The following NFKBIB variants were observed in gnomAD, a reference collection of about 807,000 sequenced individuals.
NFKBIB encodes NFKB inhibitor beta.
NFKBIB carries 16 observed loss-of-function variants against 32.1 expected under a neutral mutation model. The observed-to-expected ratio is 0.50, with a 90% confidence interval of 0.34 to 0.76. The LOEUF is 0.76. NFKBIB is among the 30% of genes least tolerant of loss of function. The pLI, the probability that NFKBIB is intolerant of heterozygous loss-of-function variation, is 0.01. For missense variants in NFKBIB, 437 were observed against 514.9 expected (o/e 0.85, Z 1.46); for synonymous variants, 222 against 219.5 (o/e 1.01, Z -0.10).
rs1182842328 is a variant in NFKBIB at position 38,905,141 on chromosome 19, T to A, written c.285+21T>A. ...GCCAGGTGAGCCACGAGGGATGGTG[T>A]AGGGCTTGGGGTCCAGGGTTCCCAG... On this transcript the variant is annotated intron_variant, in intron 2 of 5. Transcript: ENST00000313582. The surrounding 1 kb of genome is among the most constrained non-coding windows in gnomAD (Gnocchi z 5.5). 4 of 1,613,692 alleles carry A rather than the reference T, an allele frequency of 2.5e-6. No homozygotes were observed. The highest frequency in any genetic ancestry group is 3.4e-6 in the Non-Finnish European group (4 of 1,179,804).
In NFKBIB at chr19:38,905,144, G is replaced by C; in HGVS notation, c.285+24G>C. On this transcript the variant is annotated intron_variant, in intron 2 of 5. Coordinates refer to ENST00000313582, the MANE Select transcript of NFKBIB (RefSeq NM_002503.5). This position sits in a 1 kb window ranked among gnomAD's most constrained non-coding sequence, Gnocchi z 5.5. The stretch of plus-strand genomic sequence containing the variant: ...AGGTGAGCCACGAGGGATGGTGTAG[G>C]GCTTGGGGTCCAGGGTTCCCAGTGT... 6.2e-7 allele frequency: 1 copy of C among 1,612,696 alleles called. No individual in the cohort carries two copies. The highest frequency in any genetic ancestry group is 1.3e-5 in the African/African-American group (1 of 74,762).
Position 38,905,232 on chromosome 19 carries a change from G to T in NFKBIB, c.316G>T (p.Glu106Ter). 1 of 1,590,102 alleles carries T rather than the reference G, an allele frequency of 6.3e-7. No homozygotes were observed. Among genetic ancestry groups the T allele is most frequent in the Non-Finnish European group, 8.6e-7 (1 of 1,168,160 alleles). Residue 106 changes from glutamate (E) to a stop codon, truncating the protein, a stop_gained, in exon 3 of 6, where the codon GAG becomes TAG. Transcript: ENST00000313582. LOFTEE classifies it high-confidence loss of function. The surrounding 1 kb of genome is among the most constrained non-coding windows in gnomAD (Gnocchi z 5.5). ...CCTGCACCTGGCAGCCATCCTGGGG[G>T]AGACATCCACGGTGGAGAAGCTGTA... The part of the protein sequence containing the change: ...TALHLAAILG[E>*]TSTVEKLYAA...
At chr19:38,908,453 T>C (rs1974218351) in intron 5 of NFKBIB, 2 of 948,052 alleles carry the variant, frequency 2.1e-6, no homozygotes, top group Non-Finnish European at 2.7e-6. Context: ...GTAGGAGAAT[T>C]GCTTGAACCT....
chr19:38,904,155 G>A (rs539869771), intron 1 of NFKBIB, among the ~76,000 whole-genome samples: 5 of 152,054 alleles, frequency 3.3e-5, no homozygotes, highest in African/African-American at 1.2e-4. Flanking sequence ...TAAATTACTC[G>A]GAAGTAGTTT....
rs1187781614 is a variant in NFKBIB, at chr19:38,905,665, C to T, written c.619+130C>T. 24 of 692,450 alleles carry T rather than the reference C, an allele frequency of 3.5e-5. No individual in the cohort carries two copies. The highest frequency in any genetic ancestry group is 4.5e-5 in the Non-Finnish European group (19 of 420,094). 42.9% of individuals were successfully genotyped at this position (692,450 alleles called of 1,614,324 possible). A position where few individuals can be genotyped will look rare whatever the true frequency, so the allele number is the denominator to read the frequency against. ...GCCTAGGCTTCAGGAGCCCACACAT[C>T]GGGACCAGGGACCTCCACTCAGGGC... On this transcript the variant is annotated intron_variant, in intron 3 of 5. Coordinates refer to ENST00000313582, the MANE Select transcript of NFKBIB (RefSeq NM_002503.5). This position sits in a 1 kb window ranked among gnomAD's most constrained non-coding sequence, Gnocchi z 5.5.
In NFKBIB at chr19:38,900,179, C is replaced by T. The variant is rs140517797; in HGVS notation, c.147C>T (p.Leu49=). The part of the protein sequence containing the change: ...ELGPGLSWAP[L]VFGYVTEDGD... ...GCCCGGGGCTGTCGTGGGCTCCCCT[C>T]GTCTTCGGCTACGTCACTGAGGATG... Residue 49 remains leucine (L), a synonymous_variant, in exon 1 of 6, where the codon CTC becomes CTT. Coordinates refer to ENST00000313582, the MANE Select transcript of NFKBIB (RefSeq NM_002503.5). 2.6e-3 allele frequency: 4,142 copies of T among 1,604,022 alleles called. 20 individuals are homozygous for T. The highest frequency in any genetic ancestry group is 6.8e-3 in the South Asian group (604 of 88,986).
Position 38,905,679 on chromosome 19 carries a change from T to C in NFKBIB, c.619+144T>C. On this transcript the variant is annotated intron_variant, in intron 3 of 5. Coordinates refer to ENST00000313582, the MANE Select transcript of NFKBIB (RefSeq NM_002503.5). The surrounding 1 kb of genome is among the most constrained non-coding windows in gnomAD (Gnocchi z 5.5). ...AGCCCACACATCGGGACCAGGGACC[T>C]CCACTCAGGGCCCAGATGATTGAGA... 1.5e-6 allele frequency: 1 copy of C among 646,288 alleles called. No homozygotes were observed. Among genetic ancestry groups the C allele is most frequent in the Non-Finnish European group, 2.6e-6 (1 of 381,616 alleles). 40.0% of individuals were successfully genotyped at this position (646,288 alleles called of 1,614,324 possible). A position where few individuals can be genotyped will look rare whatever the true frequency, so the allele number is the denominator to read the frequency against.
chr19:38,901,983 A>C (rs1461583583), intron 1 of NFKBIB, among the ~76,000 whole-genome samples: 2 of 147,174 alleles, frequency 1.4e-5, no homozygotes, highest in Non-Finnish European at 3.0e-5. Context: ...CTACTTACCT[A>C]TGTTTTCTTT....
At position 38,907,577 on chromosome 19, in the gene NFKBIB, A is replaced by T; in HGVS notation, c.887A>T (p.His296Leu). The T allele has an allele frequency of 5.6e-6, 9 of 1,612,516 alleles. No individual in the cohort carries two copies. The highest frequency in any genetic ancestry group is 7.6e-6 in the Non-Finnish European group (9 of 1,179,678). The part of the protein sequence containing the change: ...NPILARLLRA[H>L]GAPEPEGEDE... The stretch of plus-strand genomic sequence containing the variant: ...ATCCTCGCCCGCCTCCTCCGTGCAC[A>T]CGGAGCCCCTGAGCCCGAGGGCGAG... The change falls in exon 5 of 6, where the codon CAC (histidine) becomes CTC (leucine). Residue 296 changes from histidine (H) to leucine (L), a missense_variant. Physicochemically the swap from His to Leu is moderately conservative, Grantham distance 99 (BLOSUM62 -3). Coordinates refer to ENST00000313582, the MANE Select transcript of NFKBIB (RefSeq NM_002503.5).
rs1973890966 is a variant in NFKBIB, at chr19:38,900,016, C to T, written c.-17C>T. 6.9e-7 allele frequency: 1 copy of T among 1,454,564 alleles called. No individual in the cohort carries two copies. Among genetic ancestry groups the T allele is most frequent in the Non-Finnish European group, 9.0e-7 (1 of 1,106,074 alleles). The allele number at this position is 1,454,564 out of a possible 1,614,324, so 90.1% of individuals were successfully genotyped here. ...ACAGGCGGGCGACTGCGGGGGGCCC[C>T]TGAGGCGGCGGGGGCCATGGCTGGG... is the stretch of plus-strand genomic sequence containing the variant. On this transcript the variant is annotated 5_prime_UTR_variant, in exon 1 of 6. Transcript: ENST00000313582.
In NFKBIB at chr19:38,907,324, C is replaced by T. The variant is rs377421437; in HGVS notation, c.708+15C>T. ...TTGACAAACCGGTGAGCCCCAACCT[C>T]GGGGAAGATGCCGTCGGCGGGAGGG... On this transcript the variant is annotated intron_variant, in intron 4 of 5. Transcript: ENST00000313582. The T allele has an allele frequency of 2.9e-5, 46 of 1,609,448 alleles. No individual in the cohort carries two copies. Among genetic ancestry groups the T allele is most frequent in the South Asian group, 2.2e-4 (20 of 90,908 alleles).
chr19:38,907,549 C>T lies in NFKBIB; in HGVS notation c.859C>T (p.Pro287Ser). Residue 287 changes from proline to serine, a missense_variant, in exon 5 of 6, where the codon CCC becomes TCC. Coordinates refer to ENST00000313582, the MANE Select transcript of NFKBIB (RefSeq NM_002503.5). ...CGGCAGTGCCATGCTCCGGCCCAAC[C>T]CCATCCTCGCCCGCCTCCTCCGTGC... ...PLGSAMLRPNPILARLLRAHG... is the reference protein window; with the variant it reads ...PLGSAMLRPNSILARLLRAHG... The T allele has an allele frequency of 5.0e-6, 8 of 1,612,542 alleles. No individual in the cohort carries two copies. The highest frequency in any genetic ancestry group is 2.5e-6 in the Non-Finnish European group (3 of 1,179,676).
At chr19:38,908,618 G>A (rs986383283) in intron 5 of NFKBIB, 113 bp from the exon 6 acceptor site, 28 of 1,421,858 alleles carry the variant, frequency 2.0e-5, no homozygotes, top group Non-Finnish European at 2.4e-5. Context: ...CCAGGAGCAG[G>A]GGAACTTGGG....
intron 1 of NFKBIB, 57 bp from the exon 2 acceptor site, chr19:38,904,958 A>G (rs1414014819): frequency 2.5e-5 from 39 of 1,538,838 alleles, no homozygotes; most frequent in South Asian, 5.7e-5. Context: ...TGTTTGTTCA[A>G]TGAAGGAATG....
rs141538336 is a variant in NFKBIB at position 38,907,237 on chromosome 19, C to T, written c.636C>T (p.His212=). Residue 212 remains histidine (H), a synonymous_variant, in exon 4 of 6, where the codon CAC becomes CAT. Coordinates refer to ENST00000313582, the MANE Select transcript of NFKBIB (RefSeq NM_002503.5). ...AENYEGHTPL[H]VAVIHKDVEM... The stretch of plus-strand genomic sequence containing the variant: ...TGTCCCCAGGCCACACCCCACTCCA[C>T]GTGGCCGTTATCCACAAAGATGTGG... The T allele has an allele frequency of 9.9e-6, 16 of 1,612,690 alleles. No homozygotes were observed. The highest frequency in any genetic ancestry group is 6.7e-5 in the East Asian group (3 of 44,840).
intron 5 of NFKBIB, 137 bp from the exon 6 acceptor site, chr19:38,908,594 A>G: frequency 7.3e-7 from 1 of 1,378,666 alleles, no homozygotes; most frequent in African/African-American, 1.5e-5. Flanking sequence ...GAGCTAGGAA[A>G]CTGGGAGGTT....
At chr19:38,906,802 A>G (rs1600148719) in intron 3 of NFKBIB, among the ~76,000 whole-genome samples, 1 of 151,712 alleles carries the variant, frequency 6.6e-6, no homozygotes, top group East Asian at 2.0e-4. Flanking sequence ...ACGTCTTGCC[A>G]TGTTGCCCAG....
intron 1 of NFKBIB, among the ~76,000 whole-genome samples, chr19:38,904,532 C>T (rs1056748786): frequency 2.0e-5 from 3 of 152,132 alleles, no homozygotes; most frequent in Non-Finnish European, 2.9e-5. Context: ...ACAGACTCTT[C>T]CTCCATATCC....
rs1471332554 is a variant in NFKBIB, at chr19:38,900,076, A to G, written c.44A>G (p.Glu15Gly). The change falls in exon 1 of 6, where the codon GAA (glutamate) becomes GGA (glycine). Residue 15 changes from glutamate to glycine, a missense_variant. By Grantham distance (98) the Glu-to-Gly change is moderately conservative. Coordinates refer to ENST00000313582, the MANE Select transcript of NFKBIB (RefSeq NM_002503.5). ...TTGGGAAAAGCTGCCGACGCAGATGAATGGTGCGACAGCGGCCTGGGCTCC... is the reference window on the plus strand; with the variant it reads ...TTGGGAAAAGCTGCCGACGCAGATGGATGGTGCGACAGCGGCCTGGGCTCC... ...ACLGKAADAD[E>G]WCDSGLGSLG... The G allele has an allele frequency of 6.6e-7, 1 of 1,523,630 alleles. No individual in the cohort carries two copies. The highest frequency in any genetic ancestry group is 2.2e-5 in the Admixed American group (1 of 45,102). The allele number at this position is 1,523,630 out of a possible 1,614,324, so 94.4% of individuals were successfully genotyped here.
Sources: gnomAD v4.1 joint callset for allele counts (sites outside exome capture counted in the v4.1 genomes callset) on GRCh38, gnomAD v4.1.1 for gene constraint, Gnocchi (gnomAD v3.1) non-coding constraint, MANE v1.5 for transcripts, NCBI Gene and HGNC (gene_info 2026-07-23, HGNC 2026-07-21) for gene names.